Variants in MLLT6 observed in about 807,000 individuals in gnomAD.
MLLT6 encodes protein AF-17.
In MLLT6, 22 loss-of-function variants were observed where a neutral mutation model predicts 103.0. The observed-to-expected ratio is 0.21, with a 90% CI of 0.15 to 0.31. The LOEUF (loss-of-function observed/expected upper bound fraction) is 0.31, where lower values mean the gene tolerates loss of function less well. MLLT6 is among the 10% of genes least tolerant of loss of function. The pLI is 1.00. For missense variants in MLLT6, 1,199 were observed against 1,441.7 expected, an observed-to-expected ratio of 0.83 and a Z score of 2.73; for synonymous variants, 606 against 623.5, an observed-to-expected ratio of 0.97 and a Z score of 0.42.
rs551297351 is a variant in MLLT6, at chr17:38,719,144, G to A, written c.1943-373G>A. On this transcript the variant is annotated intron_variant, in intron 12 of 19. Coordinates refer to ENST00000621332, the MANE Select transcript of MLLT6 (RefSeq NM_005937.4). The stretch of plus-strand genomic sequence containing the variant: ...TTTTAATCTTAATAACAGTCACTTC[G>A]GAGAGGCTGGTTAGGAGCCCAAGGT... 2.5e-5 allele frequency: 8 copies of A among 324,144 alleles called. No individual in the cohort carries two copies. In the South Asian group the frequency reaches 4.7e-4, roughly 19 times the overall value. The allele number at this position is 324,144 out of a possible 1,614,324, so 20.1% of individuals were successfully genotyped here.
rs1295714586 is a variant in MLLT6 at position 38,720,501 on chromosome 17, C to T, written c.2285C>T (p.Pro762Leu). ...ILNVQLSVPFPALPAALPAAN... is the reference protein window; with the variant it reads ...ILNVQLSVPFLALPAALPAAN... ...AACGTGCAGCTCTCTGTGCCCTTCCCTGCCCTGCCTGCTGCCCTGCCTGCC... is the reference window on the plus strand; with the variant it reads ...AACGTGCAGCTCTCTGTGCCCTTCCTTGCCCTGCCTGCTGCCCTGCCTGCC... Residue 762 changes from proline (P) to leucine (L), a missense_variant, in exon 15 of 20, where the codon CCT (proline) becomes CTT (leucine). By Grantham distance (98) the Pro-to-Leu change is moderately conservative (BLOSUM62 -3). Coordinates refer to ENST00000621332, the MANE Select transcript of MLLT6 (RefSeq NM_005937.4). 1.2e-6 allele frequency: 2 copies of T among 1,612,480 alleles called. No individual in the cohort carries two copies. Among genetic ancestry groups the T allele is most frequent in the South Asian group, 2.2e-5 (2 of 91,008 alleles).
At chr17:38,706,674 A>G (rs538766880) in intron 1 of MLLT6, 257 of 342,826 alleles carry the variant, frequency 7.5e-4, no homozygotes, top group Middle Eastern at 3.1e-3. Flanking sequence ...AAGCTGGGAA[A>G]CAAGTCCAGA....
intron 18 of MLLT6, 148 bp downstream of exon 18, chr17:38,722,916 T>C (rs766429911): frequency 2.6e-5 from 17 of 649,590 alleles, no homozygotes; most frequent in Admixed American, 5.3e-5. Flanking sequence ...GGCTGGGCCC[T>C]GTGGAGCATC....
At chr17:38,706,174 G>A (rs1326475687) in intron 1 of MLLT6, 3 of 152,600 alleles carry the variant, frequency 2.0e-5, no homozygotes, top group Admixed American at 2.0e-4. Flanking sequence ...GGAAAGGGAA[G>A]AGAAGGGTCC....
rs1446005251 is a variant in MLLT6, at chr17:38,715,814, C to G, written c.1022C>G (p.Pro341Arg). The change falls in exon 9 of 20, where the codon CCC (proline) becomes CGC (arginine). Residue 341 changes from proline (P) to arginine (R), a missense_variant. By Grantham distance (103) the Pro-to-Arg change is moderately radical (BLOSUM62 -2). Transcript: ENST00000621332. ...SSSSSSSSGG[P>R]FQPAVSSLQS... ...TCCTCTTCCTCCTCCTCTGGGGGGC[C>G]CTTCCAGCCTGCAGGTGAGTGTGGG... The G allele has an allele frequency of 1.9e-6, 3 of 1,594,968 alleles. No individual in the cohort carries two copies. Among genetic ancestry groups the G allele is most frequent in the Admixed American group, 1.8e-5 (1 of 56,168 alleles).
chr17:38,718,001 C>T lies in MLLT6; in HGVS notation c.1942+48C>T, dbSNP rs773329325. On this transcript the variant is annotated intron_variant, in intron 12 of 19. Coordinates refer to ENST00000621332, the MANE Select transcript of MLLT6 (RefSeq NM_005937.4). ...CTCCCCTTTCTTCCCAAAGGTCGGACACCCATCACCTGCATGTGACCCCAG... is the reference window on the plus strand; with the variant it reads ...CTCCCCTTTCTTCCCAAAGGTCGGATACCCATCACCTGCATGTGACCCCAG... 7 of 1,300,504 alleles carry T rather than the reference C, an allele frequency of 5.4e-6. No homozygotes were observed. The African/African-American group carries it at 7.3e-5, about 14-fold the overall frequency. 80.6% of individuals were successfully genotyped at this position (1,300,504 alleles called of 1,614,324 possible).
chr17:38,729,385 C>T lies in MLLT6; in HGVS notation c.*3787C>T, dbSNP rs1404450382. ...CAGGATTGAGAGTGTGTCTAGCTCC[C>T]GACCACTTTGTCTTGACCTACTGAA... On this transcript the variant is annotated 3_prime_UTR_variant, in exon 20 of 20. Coordinates refer to ENST00000621332, the MANE Select transcript of MLLT6 (RefSeq NM_005937.4). 8.6e-6 allele frequency: 2 copies of T among 233,312 alleles called. No individual in the cohort carries two copies. Among genetic ancestry groups the T allele is most frequent in the Non-Finnish European group, 1.7e-5 (2 of 118,052 alleles). The allele number at this position is 233,312 out of a possible 1,614,324, so 14.5% of individuals were successfully genotyped here.
Position 38,705,661 on chromosome 17 carries a change from T to G in MLLT6, c.29T>G (p.Val10Gly). Residue 10 changes from valine to glycine, a missense_variant, in exon 1 of 20, where the codon GTA (valine) becomes GGA (glycine). Val to Gly is a moderately radical substitution (Grantham distance 109). Around this residue, in one of 7 missense-constraint regions of MLLT6, gnomAD observed 24 missense variants for 38.7 expected, o/e 0.62. Coordinates refer to ENST00000621332, the MANE Select transcript of MLLT6 (RefSeq NM_005937.4). MKEMVGGCCVCSDERGWAEN... is the reference protein window; with the variant it reads MKEMVGGCCGCSDERGWAEN... ...AAGGAGATGGTAGGAGGCTGCTGCG[T>G]ATGTTCGGACGAGAGGGGCTGGGCC... is the stretch of plus-strand genomic sequence containing the variant. 1 of 1,498,206 alleles carries G rather than the reference T, an allele frequency of 6.7e-7. No homozygotes were observed. The highest frequency in any genetic ancestry group is 9.0e-7 in the Non-Finnish European group (1 of 1,112,246). The allele number at this position is 1,498,206 out of a possible 1,614,324, so 92.8% of individuals were successfully genotyped here. A position where few individuals can be genotyped will look rare whatever the true frequency, so the allele number is the denominator to read the frequency against.
Position 38,717,873 on chromosome 17 carries a change from G to A in MLLT6, c.1862G>A (p.Ser621Asn). Residue 621 changes from serine to asparagine, a missense_variant, in exon 12 of 20, where the codon AGC becomes AAC. By Grantham distance (46) the Ser-to-Asn change is conservative. Coordinates refer to ENST00000621332, the MANE Select transcript of MLLT6 (RefSeq NM_005937.4). ...TTTTCTCTGGCTGGCTCTACCTTTA[G>A]CCTCCCTTCTACCCACATCTTTGGA... ...QVFSLAGSTFSLPSTHIFGTP... is the reference protein window; with the variant it reads ...QVFSLAGSTFNLPSTHIFGTP... The A allele has an allele frequency of 6.2e-7, 1 of 1,613,954 alleles. No individual in the cohort carries two copies. Among genetic ancestry groups the A allele is most frequent in the Non-Finnish European group, 8.5e-7 (1 of 1,179,902 alleles).
Position 38,724,319 on chromosome 17 carries a change from G to A in MLLT6, c.2884-301G>A, listed in dbSNP as rs564249811. 5.7e-5 allele frequency: 22 copies of A among 384,990 alleles called. No homozygotes were observed. The highest frequency in any genetic ancestry group is 2.1e-4 in the South Asian group (2 of 9,462). The allele number at this position is 384,990 out of a possible 1,614,324, so 23.8% of individuals were successfully genotyped here. On this transcript the variant is annotated intron_variant, in intron 18 of 19. Transcript: ENST00000621332. This position sits in a 1 kb window ranked among gnomAD's most constrained non-coding sequence, Gnocchi z 5.4. ...GTTTAGTGTTTTTCAACTTGGGGGC[G>A]TCTGTGGTTGTCTTAGGAGCTGAGG...
rs568719478 is a variant in MLLT6 at position 38,726,957 on chromosome 17, G to A, written c.*1359G>A. ...TGCCCAGGCCTTTGGCACAGAGGCT[G>A]AGTGGACAGTCAGGAGAGAGGCGAG... is the stretch of plus-strand genomic sequence containing the variant. On this transcript the variant is annotated 3_prime_UTR_variant, in exon 20 of 20. Transcript: ENST00000621332. 4.3e-6 allele frequency: 1 copy of A among 233,784 alleles called. No individual in the cohort carries two copies. The highest frequency in any genetic ancestry group is 2.2e-5 in the African/African-American group (1 of 45,478). 14.5% of individuals were successfully genotyped at this position (233,784 alleles called of 1,614,324 possible).
chr17:38,722,388 C>T (rs969846405), intron 17 of MLLT6, among the ~76,000 whole-genome samples, 161 bp downstream of exon 17: 14 of 152,182 alleles, frequency 9.2e-5, no homozygotes, highest in African/African-American at 3.4e-4. Context: ...AAGGACTCCA[C>T]AGACTGTTAG....
At chr17:38,718,782 C>T (rs1905501946) in intron 12 of MLLT6, 1 of 152,246 alleles carries the variant, frequency 6.6e-6, no homozygotes, top group Non-Finnish European at 1.5e-5. Flanking sequence ...CGCCCTCTCC[C>T]TGGAGAGTCA....
intron 14 of MLLT6, 58 bp downstream of exon 14, chr17:38,719,953 C>T (rs1438108209): frequency 6.7e-7 from 1 of 1,495,432 alleles, no homozygotes; most frequent in African/African-American, 1.4e-5. Flanking sequence ...AGTCACCTTT[C>T]TCCCCGAGGT....
At position 38,729,213 on chromosome 17, in the gene MLLT6, C is replaced by T. The variant is rs916182002; in HGVS notation, c.*3615C>T. ...GGATCTTCCTTGGTGTGCAATGGGC[C>T]AGTTAGGGGTAGGCAGCTTGCACCC... is the stretch of plus-strand genomic sequence containing the variant. On this transcript the variant is annotated 3_prime_UTR_variant, in exon 20 of 20. Coordinates refer to ENST00000621332, the MANE Select transcript of MLLT6 (RefSeq NM_005937.4). The T allele has an allele frequency of 3.0e-5, 7 of 233,198 alleles. No homozygotes were observed. The highest frequency in any genetic ancestry group is 1.3e-4 in the African/African-American group (6 of 45,348). 14.4% of individuals were successfully genotyped at this position (233,198 alleles called of 1,614,324 possible).
chr17:38,717,323 C>A, intron 10 of MLLT6, 109 bp from the exon 11 acceptor site: 1 of 898,936 alleles, frequency 1.1e-6, no homozygotes, highest in Non-Finnish European at 1.7e-6. Flanking sequence ...GGGCATGTAG[C>A]CAGATCCCGG....
At chr17:38,712,837 CAGAG>C (rs1232747459) in intron 8 of MLLT6, 48 bp downstream of exon 8, 8 of 1,430,108 alleles carry the variant, frequency 5.6e-6, no homozygotes, top group African/African-American at 1.4e-5. Context: ...TCTGGGGTGG[CAGAG>C]GGAGGGAGGC....
chr17:38,716,690 C>T lies in MLLT6; in HGVS notation c.1360C>T (p.Pro454Ser). ...GCCCGCACTGAGTGCCACCCCTGTG[C>T]CTGCTGATGAGACCCCTGAGACAGG... ...RMPALSATPV[P>S]ADETPETGLK... The change falls in exon 10 of 20, where the codon CCT (proline) becomes TCT (serine). Residue 454 changes from proline to serine, a missense_variant. Pro to Ser is a moderately conservative substitution (Grantham distance 74). Coordinates refer to ENST00000621332, the MANE Select transcript of MLLT6 (RefSeq NM_005937.4). This position sits in a 1 kb window ranked among gnomAD's most constrained non-coding sequence, Gnocchi z 5.6. 6.2e-7 allele frequency: 1 copy of T among 1,612,714 alleles called. No individual in the cohort carries two copies. Among genetic ancestry groups the T allele is most frequent in the Non-Finnish European group, 8.5e-7 (1 of 1,179,598 alleles).
In MLLT6 at chr17:38,725,593, G is replaced by A; in HGVS notation, c.3277G>A (p.Gly1093Ser). The A allele has an allele frequency of 6.2e-7, 1 of 1,602,060 alleles. No individual in the cohort carries two copies. The highest frequency in any genetic ancestry group is 8.5e-7 in the Non-Finnish European group (1 of 1,175,584). Residue 1093 changes from glycine (G) to serine (S), a missense_variant, in exon 20 of 20, where the codon GGC becomes AGC. Gly to Ser is a moderately conservative substitution (Grantham distance 56, BLOSUM62 0). This residue lies in a region of MLLT6 where 55 missense variants were observed against 93.3 expected (regional missense o/e 0.59). Coordinates refer to ENST00000621332, the MANE Select transcript of MLLT6 (RefSeq NM_005937.4). ...AGGAGCCTCAGCCAACCAGGAAAAA[G>A]GCTAAATCCACCCTTACCCCTCCTG... ...DKGASANQEKG is the reference protein window; with the variant it reads ...DKGASANQEKS
Sources: allele counts gnomAD v4.1 joint callset (sites outside exome capture counted in the v4.1 genomes callset), GRCh38; gene constraint gnomAD v4.1.1; regional missense constraint gnomAD v4.1.1; non-coding constraint Gnocchi (gnomAD v3.1); transcripts MANE v1.5; gene names NCBI Gene and HGNC (gene_info 2026-07-23, HGNC 2026-07-21).